Variants in CHODL observed in about 807,000 individuals in gnomAD.
CHODL encodes transmembrane protein MT75.
A neutral mutation model predicts 34.5 loss-of-function variants in CHODL; 29 were observed. The ratio of observed to expected loss-of-function variants is 0.84; its 90% CI spans 0.63 to 1.15. The LOEUF is 1.15. Among genes scored for constraint, CHODL ranks in the 50% most tolerant of loss-of-function variants. The probability of loss-of-function intolerance (pLI) is 0.00; values close to 1 mark genes in which losing one functional copy is unlikely to be tolerated. For missense variants in CHODL, 332 were observed against 332.5 expected (o/e 1.00, Z 0.01); for synonymous variants, 125 against 116.1 (o/e 1.08, Z -0.49).
chr21:18,251,076 A>G (rs1288069228), intron 1 of CHODL, among the ~76,000 whole-genome samples: 2 of 151,676 alleles, frequency 1.3e-5, no homozygotes, highest in Admixed American at 6.6e-5. Context: ...AAACCAAATT[A>G]TAGATCCTTT....
chr21:18,164,068 G>C (rs2824674), intron 2 of CHODL, among the ~76,000 whole-genome samples: 1 of 152,206 alleles, frequency 6.6e-6, no homozygotes, highest in East Asian at 1.9e-4. Context: ...AAGTGGTTTT[G>C]GGTTGTAGTC....
At chr21:18,153,329 C>T (rs907106744) in intron 2 of CHODL, among the ~76,000 whole-genome samples, 2 of 152,166 alleles carry the variant, frequency 1.3e-5, no homozygotes, top group South Asian at 4.1e-4. Context: ...AGGGCCCCTT[C>T]TCCTTGTTGG....
chr21:18,254,522 G>A (rs1458968549), intron 1 of CHODL, among the ~76,000 whole-genome samples: 1 of 152,086 alleles, frequency 6.6e-6, no homozygotes, highest in Non-Finnish European at 1.5e-5. Context: ...GTGAACAAAA[G>A]CAGAAGCAGT....
At chr21:18,129,892 C>CTG (rs150557806) in intron 2 of CHODL, among the ~76,000 whole-genome samples, 6,326 of 140,614 alleles carry the variant, frequency 0.045, 175 homozygotes, top group Middle Eastern at 0.071. Context: ...CTGTCTTTCT[C>CTG]TGTGTGTGTG....
chr21:18,261,564 G>A (rs2074383274), intron 4 of CHODL, among the ~76,000 whole-genome samples: 1 of 152,012 alleles, frequency 6.6e-6, no homozygotes. Context: ...CTATTTGGGA[G>A]GCTGAGGCAG....
chr21:18,230,409 CTTG>C (rs1373293287), intron 2 of CHODL, among the ~76,000 whole-genome samples: 9 of 152,134 alleles, frequency 5.9e-5, no homozygotes, highest in South Asian at 2.1e-4. Flanking sequence ...TTATTAGTTA[CTTG>C]TTGTGAAATT....
intron 2 of CHODL, among the ~76,000 whole-genome samples, chr21:18,070,730 C>T (rs1027843155): frequency 6.6e-6 from 1 of 152,020 alleles, no homozygotes; most frequent in Non-Finnish European, 1.5e-5. Context: ...CAAAGAAGTG[C>T]GTTACATACC....
chr21:17,992,380 T>A (rs2063804238), intron 1 of CHODL, among the ~76,000 whole-genome samples: 1 of 152,178 alleles, frequency 6.6e-6, no homozygotes, highest in South Asian at 2.1e-4. Flanking sequence ...TTACATTGAA[T>A]CTGTAGATTG....
chr21:18,248,584 T>TTATA (rs534470680), intron 1 of CHODL, among the ~76,000 whole-genome samples: 1 of 137,780 alleles, frequency 7.3e-6, no homozygotes, highest in African/African-American at 2.7e-5. Context: ...GTAATGTATT[T>TTATA]TATATATATA....
At chr21:18,229,754 C>T (rs2073962476) in intron 2 of CHODL, among the ~76,000 whole-genome samples, 1 of 152,090 alleles carries the variant, frequency 6.6e-6, no homozygotes, top group Non-Finnish European at 1.5e-5. Flanking sequence ...CTACTCCAAA[C>T]AACACGTCCA....
intron 2 of CHODL, among the ~76,000 whole-genome samples, chr21:18,077,803 C>T (rs189089781): frequency 6.6e-6 from 1 of 152,260 alleles, no homozygotes; most frequent in Non-Finnish European, 1.5e-5. Flanking sequence ...TGTTTCTAAG[C>T]CACTAAGTCT....
At chr21:18,246,232 A>G (rs921711476) in intron 1 of CHODL, among the ~76,000 whole-genome samples, 2 of 152,218 alleles carry the variant, frequency 1.3e-5, no homozygotes, top group African/African-American at 4.8e-5. Flanking sequence ...TACTATGCTC[A>G]TTGAAACATT....
intron 1 of CHODL, among the ~76,000 whole-genome samples, chr21:17,928,478 A>T (rs1041637511): frequency 2.0e-5 from 3 of 152,312 alleles, no homozygotes; most frequent in South Asian, 2.1e-4. Context: ...ACAGAGACAA[A>T]GCGGGGTGTC....
intron 2 of CHODL, among the ~76,000 whole-genome samples, chr21:18,075,049 T>C (rs1025736292): frequency 1.3e-5 from 2 of 152,198 alleles, no homozygotes; most frequent in Non-Finnish European, 2.9e-5. Context: ...TTGATTGAGT[T>C]TGAAAAATTA....
At chr21:17,972,222 A>C (rs893083939) in intron 1 of CHODL, among the ~76,000 whole-genome samples, 3 of 152,206 alleles carry the variant, frequency 2.0e-5, no homozygotes, top group Non-Finnish European at 4.4e-5. Flanking sequence ...TTCCCTTTGA[A>C]AACTGGCACA....
At chr21:17,984,078 C>G (rs2063734971) in intron 1 of CHODL, among the ~76,000 whole-genome samples, 1 of 151,990 alleles carries the variant, frequency 6.6e-6, no homozygotes, top group Non-Finnish European at 1.5e-5. Context: ...AACAATAATC[C>G]CCCATTTCTC....
At chr21:18,152,406 C>A (rs1049733008) in intron 2 of CHODL, among the ~76,000 whole-genome samples, 1 of 152,242 alleles carries the variant, frequency 6.6e-6, no homozygotes. Context: ...TACTGCTTAG[C>A]TGGGTCCTCA....
At chr21:18,009,169 ATTCCG>A (rs1467389674) in intron 1 of CHODL, among the ~76,000 whole-genome samples, 6 of 152,210 alleles carry the variant, frequency 3.9e-5, no homozygotes, top group African/African-American at 7.2e-5. Flanking sequence ...CATGAATACA[ATTCCG>A]TTCAGTTGAA....
At chr21:18,021,722 CTG>C (rs1568847814) in intron 1 of CHODL, among the ~76,000 whole-genome samples, 1 of 152,112 alleles carries the variant, frequency 6.6e-6, no homozygotes, top group Non-Finnish European at 1.5e-5. Flanking sequence ...TATAGTAAGT[CTG>C]TGTTTTTCCT....
Sources: allele counts gnomAD v4.1 joint callset (sites outside exome capture counted in the v4.1 genomes callset), GRCh38; gene constraint gnomAD v4.1.1; transcripts MANE v1.5; gene names NCBI Gene and HGNC (gene_info 2026-07-23, HGNC 2026-07-21).